Variants in ASIC2 observed in about 807,000 individuals in gnomAD.
ASIC2 encodes the protein acid sensing ion channel subunit 2, also known as acid-sensing ion channel 2.
ASIC2 carries 25 observed loss-of-function variants against 57.3 expected under a neutral mutation model. The observed-to-expected ratio is 0.44, with a 90% CI of 0.32 to 0.61. The LOEUF (loss-of-function observed/expected upper bound fraction) is 0.61. Ranked by LOEUF, ASIC2 falls within the 20% of genes least tolerant of loss-of-function variation. ASIC2 has a pLI of 0.06. For synonymous variants in ASIC2, 319 were observed against 307.5 expected (o/e 1.04, Z -0.39); for missense variants, 641 against 738.1 (o/e 0.87, Z 1.52).
Position 33,019,725 on chromosome 17 carries a change from T to C in ASIC2, c.1441+1494A>G, listed in dbSNP as rs184693573. Among the ~76,000 whole-genome samples the C allele has an allele frequency of 1.4e-4, 21 of 152,148 alleles. No homozygotes were observed. In the East Asian group the frequency reaches 4.1e-3, roughly 29 times the overall value. On this transcript the variant is annotated intron_variant, in intron 7 of 9. Transcript: ENST00000225823. Reference sequence around the variant, plus strand: ...TTCTGGATGGGAACACGATCGATGCTGAACAAACTCATCCTCATATCTGAC... The same window carrying C: ...TTCTGGATGGGAACACGATCGATGCCGAACAAACTCATCCTCATATCTGAC...
rs150656721 is a variant in ASIC2 at position 33,573,100 on chromosome 17, G to A, written c.556-461033C>T. On this transcript the variant is annotated intron_variant, in intron 1 of 9. Coordinates refer to the ASIC2 transcript ENST00000359872. The stretch of plus-strand genomic sequence containing the variant: ...TGCCAATCTTCAGAGGGGCCACAAT[G>A]TCATCATGAAGGTGAAATATGGGCT... 2.2e-3 allele frequency among the ~76,000 whole-genome samples: 330 copies of A among 152,292 alleles called. 5 individuals are homozygous for A. Among genetic ancestry groups the A allele is most frequent in the East Asian group, 6.0e-3 (31 of 5,178 alleles).
intron 1 of ASIC2, among the ~76,000 whole-genome samples, chr17:33,330,552 C>G (rs1216628094): frequency 6.6e-6 from 1 of 152,170 alleles, no homozygotes; most frequent in Non-Finnish European, 1.5e-5. Flanking sequence ...CCCATGCAAT[C>G]ACATTATTGG....
intron 1 of ASIC2, chr17:34,039,611 A>G (rs1407273073): frequency 6.2e-7 from 1 of 1,613,588 alleles, no homozygotes; most frequent in Non-Finnish European, 8.5e-7. Flanking sequence ...GCAAACTCAA[A>G]GTAATCACTA....
intron 1 of ASIC2, among the ~76,000 whole-genome samples, chr17:33,230,713 G>C (rs1375672324): frequency 1.3e-5 from 2 of 152,042 alleles, no homozygotes; most frequent in Non-Finnish European, 2.9e-5. Context: ...GGTAAGAAGG[G>C]GGGTAAGAGA....
intron 1 of ASIC2, among the ~76,000 whole-genome samples, chr17:33,610,521 T>G (rs1054587126): frequency 9.9e-5 from 15 of 152,116 alleles, no homozygotes; most frequent in African/African-American, 3.1e-4. Flanking sequence ...CTGAGTATTA[T>G]TTTTCTTTTT....
At chr17:33,865,773 A>C (rs1163745846) in intron 1 of ASIC2, among the ~76,000 whole-genome samples, 62 of 63,716 alleles carry the variant, frequency 9.7e-4, no homozygotes, top group African/African-American at 3.9e-3. Context: ...AAAAAAAAAC[A>C]AAAAAAAAAA....
chr17:33,311,724 C>T (rs1906433079), intron 1 of ASIC2, among the ~76,000 whole-genome samples: 1 of 152,092 alleles, frequency 6.6e-6, no homozygotes, highest in Non-Finnish European at 1.5e-5. Flanking sequence ...CTAGAGGTCT[C>T]CTTTGAACAC....
chr17:33,895,101 C>A (rs1438829327), intron 1 of ASIC2, among the ~76,000 whole-genome samples: 1 of 152,028 alleles, frequency 6.6e-6, no homozygotes, highest in Admixed American at 6.6e-5. Flanking sequence ...CTGTCCAGTC[C>A]TCCTTTGGAT....
chr17:33,337,420 G>C (rs1341484086), intron 1 of ASIC2, among the ~76,000 whole-genome samples: 1 of 57,652 alleles, frequency 1.7e-5, no homozygotes, highest in Non-Finnish European at 3.5e-5. Context: ...GACAGGATGA[G>C]GATTTTAACC....
chr17:33,154,421 C>G (rs991682884), intron 1 of ASIC2, among the ~76,000 whole-genome samples: 1 of 152,186 alleles, frequency 6.6e-6, no homozygotes. Context: ...AGGGCATTTG[C>G]CATATCCCCC....
intron 1 of ASIC2, among the ~76,000 whole-genome samples, chr17:33,662,490 G>GT (rs993076821): frequency 1.3e-5 from 2 of 151,566 alleles, no homozygotes; most frequent in African/African-American, 4.9e-5. Flanking sequence ...GTGTGGTGGG[G>GT]GGGGCACCTG....
chr17:33,615,579 C>T (rs1223969910), intron 1 of ASIC2, among the ~76,000 whole-genome samples: 3 of 152,180 alleles, frequency 2.0e-5, no homozygotes, highest in African/African-American at 7.2e-5. Flanking sequence ...TCATGAAGAA[C>T]ATAAAACACC....
At chr17:34,002,066 T>C (rs919629509) in intron 1 of ASIC2, 6 of 152,274 alleles carry the variant, frequency 3.9e-5, no homozygotes, top group Non-Finnish European at 7.3e-5. Flanking sequence ...CTGAAAGTGA[T>C]GCCATGCCTT....
At chr17:33,095,316 G>A (rs770400762) in intron 2 of ASIC2, among the ~76,000 whole-genome samples, 14 of 152,048 alleles carry the variant, frequency 9.2e-5, no homozygotes, top group Admixed American at 2.6e-4. Context: ...CCACCTCCTC[G>A]ACATTTTCCC....
intron 1 of ASIC2, among the ~76,000 whole-genome samples, chr17:33,663,308 C>T (rs1415672855): frequency 6.6e-6 from 1 of 152,150 alleles, no homozygotes; most frequent in Non-Finnish European, 1.5e-5. Flanking sequence ...TTGCCTCCCT[C>T]TAAGATCATA....
chr17:34,102,574 T>C (rs1169245562), intron 1 of ASIC2, among the ~76,000 whole-genome samples: 1 of 152,172 alleles, frequency 6.6e-6, no homozygotes, highest in Non-Finnish European at 1.5e-5. Flanking sequence ...ATATGGCATA[T>C]AGCCTTTTGT....
intron 2 of ASIC2, among the ~76,000 whole-genome samples, chr17:33,105,489 C>T (rs1260811154): frequency 1.3e-5 from 2 of 152,172 alleles, no homozygotes; most frequent in South Asian, 2.1e-4. Flanking sequence ...GTTATTTCTT[C>T]ATAGCAGTAT....
chr17:33,325,819 T>C (rs978549940), intron 1 of ASIC2, among the ~76,000 whole-genome samples: 1 of 151,996 alleles, frequency 6.6e-6, no homozygotes, highest in African/African-American at 2.4e-5. Flanking sequence ...AACTATATTT[T>C]GGTGTTAGAA....
At chr17:33,047,981 C>T (rs1473718923) in intron 3 of ASIC2, among the ~76,000 whole-genome samples, 1 of 152,148 alleles carries the variant, frequency 6.6e-6, no homozygotes, top group Non-Finnish European at 1.5e-5. Flanking sequence ...GAAGCCCTTA[C>T]CCCCAGTGTG....
Sources: gnomAD v4.1 joint callset for allele counts (sites outside exome capture counted in the v4.1 genomes callset) on GRCh38, gnomAD v4.1.1 for gene constraint, MANE v1.5 for transcripts, NCBI Gene and HGNC (gene_info 2026-07-23, HGNC 2026-07-21) for gene names.